PRND: variants seen among roughly 807,000 people sequenced by gnomAD.
PRND encodes prion like protein doppel.
For missense variants in PRND, 227 were observed against 223.3 expected, an observed-to-expected ratio of 1.02 and a Z score of -0.11; for synonymous variants, 94 against 93.2, an observed-to-expected ratio of 1.01 and a Z score of -0.05.
In PRND at chr20:4,724,820, A is replaced by G. The variant is rs769169849; in HGVS notation, c.269A>G (p.His90Arg). 3 of 1,614,224 alleles carry G rather than the reference A, an allele frequency of 1.9e-6. No individual in the cohort carries two copies. In the South Asian group the frequency reaches 3.3e-5, roughly 18 times the overall value. The change falls in exon 2 of 2, where the codon CAC (histidine) becomes CGC (arginine). Residue 90 changes from histidine to arginine, a missense_variant. Coordinates refer to ENST00000305817, the MANE Select transcript of PRND (RefSeq NM_012409.4). The surrounding 1 kb of genome is among the most constrained non-coding windows in gnomAD (Gnocchi z 4.8). ...TACTGGCAGTTCCCCGATGGCATCC[A>G]CTACAACGGCTGCTCTGAGGCTAAT... ...ANYWQFPDGIHYNGCSEANVT... is the reference protein window; with the variant it reads ...ANYWQFPDGIRYNGCSEANVT...
Position 4,724,129 on chromosome 20 carries a change from T to C in PRND, c.-11-412T>C, listed in dbSNP as rs989596519. Among the ~76,000 whole-genome samples, 11 of 149,612 alleles carry C rather than the reference T, an allele frequency of 7.4e-5. No individual in the cohort carries two copies. The highest frequency in any genetic ancestry group is 2.1e-4 in the South Asian group (1 of 4,712). ...ATACACACACACACACACACACACA[T>C]ATAGTCCATGCCCACCAGCATTTGA... is the stretch of plus-strand genomic sequence containing the variant. On this transcript the variant is annotated intron_variant, in intron 1 of 1. Coordinates refer to ENST00000305817, the MANE Select transcript of PRND (RefSeq NM_012409.4). The surrounding 1 kb of genome is among the most constrained non-coding windows in gnomAD (Gnocchi z 4.8).
intron 1 of PRND, 144 bp downstream of exon 1, chr20:4,722,113 T>A (rs1033258942): frequency 5.3e-5 from 8 of 152,224 alleles, no homozygotes; most frequent in African/African-American, 1.9e-4. Context: ...GGATACCCAG[T>A]CATCACTGGG....
At position 4,724,481 on chromosome 20, in the gene PRND, G is replaced by T. The variant is rs561044838; in HGVS notation, c.-11-60G>T. 6.6e-5 allele frequency: 105 copies of T among 1,590,156 alleles called. No homozygotes were observed. Among genetic ancestry groups the T allele is most frequent in the Non-Finnish European group, 7.3e-5 (85 of 1,160,152 alleles). ...CCTTAAAATCTCCTGCACTTGGGAG[G>T]GGGCAGGGGAGCCCAGGCAGGCCTG... On this transcript the variant is annotated intron_variant, in intron 1 of 1. Transcript: ENST00000305817. The surrounding 1 kb of genome is among the most constrained non-coding windows in gnomAD (Gnocchi z 4.8).
intron 1 of PRND, among the ~76,000 whole-genome samples, chr20:4,722,539 A>T (rs1923133574): frequency 6.6e-6 from 1 of 151,190 alleles, no homozygotes; most frequent in Admixed American, 6.6e-5. Flanking sequence ...TCTAGAGATG[A>T]CTGGATGTGC....
intron 1 of PRND, among the ~76,000 whole-genome samples, chr20:4,722,729 C>T (rs1052152794): frequency 2.0e-5 from 3 of 152,040 alleles, no homozygotes; most frequent in African/African-American, 4.8e-5. Flanking sequence ...AGCTCTGGGG[C>T]CCCATGGCCT....
intron 1 of PRND, among the ~76,000 whole-genome samples, chr20:4,722,194 C>T (rs911236396): frequency 1.3e-5 from 2 of 151,864 alleles, no homozygotes; most frequent in Non-Finnish European, 2.9e-5. Flanking sequence ...TTTTGTTTTG[C>T]CTTTAAGCTT....
At chr20:4,723,970 GTGTGTA>G (rs1923179058) in intron 1 of PRND, among the ~76,000 whole-genome samples, 2 of 147,372 alleles carry the variant, frequency 1.4e-5, no homozygotes, top group Non-Finnish European at 3.0e-5. Context: ...GTGTGTGTGT[GTGTGTA>G]TGTGTGTGTG....
Position 4,724,999 on chromosome 20 carries a change from G to A in PRND, c.448G>A (p.Glu150Lys), listed in dbSNP as rs1923220078. The change falls in exon 2 of 2, where the codon GAG (glutamate) becomes AAG (lysine). Residue 150 changes from glutamate to lysine, a missense_variant. By Grantham distance (56) the Glu-to-Lys change is moderately conservative. Coordinates refer to ENST00000305817, the MANE Select transcript of PRND (RefSeq NM_012409.4). This position sits in a 1 kb window ranked among gnomAD's most constrained non-coding sequence, Gnocchi z 4.8. ...CSLKHCEFWL[E>K]RGAGLRVTMH... ...CCTCAAGCATTGCGAGTTTTGGTTG[G>A]AGAGGGGCGCAGGACTTCGGGTCAC... The A allele has an allele frequency of 6.2e-7, 1 of 1,613,638 alleles. No homozygotes were observed. Among genetic ancestry groups the A allele is most frequent in the Non-Finnish European group, 8.5e-7 (1 of 1,179,932 alleles).
At chr20:4,722,630 C>T (rs1923136198) in intron 1 of PRND, among the ~76,000 whole-genome samples, 1 of 151,620 alleles carries the variant, frequency 6.6e-6, no homozygotes, top group Non-Finnish European at 1.5e-5. Context: ...AACATTTTAT[C>T]AGAGGAACAT....
At position 4,724,637 on chromosome 20, in the gene PRND, T is replaced by G; in HGVS notation, c.86T>G (p.Ile29Ser). 6.2e-7 allele frequency: 1 copy of G among 1,614,170 alleles called. No homozygotes were observed. Among genetic ancestry groups the G allele is most frequent in the South Asian group, 1.1e-5 (1 of 91,072 alleles). ...SHLSAVQTRG[I>S]KHRIKWNRKA... ...CTCTCTGCGGTCCAGACGAGGGGCA[T>G]CAAGCACAGAATCAAGTGGAACCGG... Residue 29 changes from isoleucine to serine, a missense_variant, in exon 2 of 2, where the codon ATC becomes AGC. Physicochemically the swap from Ile to Ser is moderately radical, Grantham distance 142. Transcript: ENST00000305817. This position sits in a 1 kb window ranked among gnomAD's most constrained non-coding sequence, Gnocchi z 4.8.
Position 4,726,973 on chromosome 20 carries a change from G to A in PRND, c.*1891G>A, listed in dbSNP as rs1008518059. 6.0e-6 allele frequency: 1 copy of A among 166,924 alleles called. No individual in the cohort carries two copies. The highest frequency in any genetic ancestry group is 2.4e-5 in the African/African-American group (1 of 41,360). 10.3% of individuals were successfully genotyped at this position (166,924 alleles called of 1,614,324 possible). On this transcript the variant is annotated 3_prime_UTR_variant, in exon 2 of 2. Coordinates refer to ENST00000305817, the MANE Select transcript of PRND (RefSeq NM_012409.4). ...AGCTACACTCGCCTTCTGCTTCCAC[G>A]GTCCTGTTAATTCTAGATCAGAGAG...
Position 4,724,858 on chromosome 20 carries a change from G to A in PRND, c.307G>A (p.Ala103Thr). ...CTCTGAGGCTAATGTGACCAAGGAG[G>A]CATTTGTCACCGGCTGCATCAATGC... ...GCSEANVTKEAFVTGCINATQ... is the reference protein window; with the variant it reads ...GCSEANVTKETFVTGCINATQ... Residue 103 changes from alanine (A) to threonine (T), a missense_variant, in exon 2 of 2, where the codon GCA (alanine) becomes ACA (threonine). Coordinates refer to ENST00000305817, the MANE Select transcript of PRND (RefSeq NM_012409.4). This position sits in a 1 kb window ranked among gnomAD's most constrained non-coding sequence, Gnocchi z 4.8. 2 of 1,614,230 alleles carry A rather than the reference G, an allele frequency of 1.2e-6. No homozygotes were observed. Among genetic ancestry groups the A allele is most frequent in the Non-Finnish European group, 1.7e-6 (2 of 1,180,042 alleles).
Position 4,724,762 on chromosome 20 carries a change from G to A in PRND, c.211G>A (p.Gly71Arg), listed in dbSNP as rs762583280. 6.8e-6 allele frequency: 11 copies of A among 1,614,188 alleles called. No homozygotes were observed. Among genetic ancestry groups the A allele is most frequent in the South Asian group, 1.1e-5 (1 of 91,082 alleles). The change falls in exon 2 of 2, where the codon GGA becomes AGA. Residue 71 changes from glycine to arginine, a missense_variant. Coordinates refer to ENST00000305817, the MANE Select transcript of PRND (RefSeq NM_012409.4). This position sits in a 1 kb window ranked among gnomAD's most constrained non-coding sequence, Gnocchi z 4.8. ...AGGCCGCAAGCTCGACATTGACTTC[G>A]GAGCCGAGGGCAACAGGTACTACGA... ...KQGRKLDIDF[G>R]AEGNRYYEAN...
rs1923151913 is a variant in PRND, at chr20:4,723,070, C to T, written c.-12+1101C>T. ...CTCCGAAATTCCTCAAGGGCCCTGCCCTTTGCCCTTTGCCCAGCTCAGGGG... is the reference window on the plus strand; with the variant it reads ...CTCCGAAATTCCTCAAGGGCCCTGCTCTTTGCCCTTTGCCCAGCTCAGGGG... On this transcript the variant is annotated intron_variant, in intron 1 of 1. Transcript: ENST00000305817. Among the ~76,000 whole-genome samples, 3 of 152,176 alleles carry T rather than the reference C, an allele frequency of 2.0e-5. No homozygotes were observed. In the South Asian group the frequency reaches 6.2e-4, roughly 31 times the overall value.
Position 4,726,589 on chromosome 20 carries a change from G to C in PRND, c.*1507G>C, listed in dbSNP as rs543675665. 2 of 166,998 alleles carry C rather than the reference G, an allele frequency of 1.2e-5. No homozygotes were observed. Among genetic ancestry groups the C allele is most frequent in the African/African-American group, 4.8e-5 (2 of 41,404 alleles). The allele number at this position is 166,998 out of a possible 1,614,324, so 10.3% of individuals were successfully genotyped here. ...AACAATGAATTGAATGCTCTAAGAG[G>C]CTCCTACAGGCGCTCCAGGCCACTC... On this transcript the variant is annotated 3_prime_UTR_variant, in exon 2 of 2. Transcript: ENST00000305817.
rs1923275018 is a variant in PRND, at chr20:4,726,548, T to A, written c.*1466T>A. On this transcript the variant is annotated 3_prime_UTR_variant, in exon 2 of 2. Transcript: ENST00000305817. ...AACACAATATGAGTAATGTTTAAGA[T>A]CTGTTTTAAATTTAAAACAATGAAT... The A allele has an allele frequency of 6.0e-6, 1 of 167,094 alleles. No homozygotes were observed. Among genetic ancestry groups the A allele is most frequent in the Non-Finnish European group, 1.5e-5 (1 of 68,132 alleles). The allele number at this position is 167,094 out of a possible 1,614,324, so 10.4% of individuals were successfully genotyped here.
In PRND at chr20:4,728,343, C is replaced by T. The variant is rs1269633471; in HGVS notation, c.*3261C>T. Reference sequence around the variant, plus strand: ...GCTGACTCATTCTTTTGGATTGCTACGTAATCTCACTTAATACAGATGTAT... The same window carrying T: ...GCTGACTCATTCTTTTGGATTGCTATGTAATCTCACTTAATACAGATGTAT... On this transcript the variant is annotated 3_prime_UTR_variant, in exon 2 of 2. Transcript: ENST00000305817. The T allele has an allele frequency of 1.2e-5, 2 of 167,100 alleles. No homozygotes were observed. Among genetic ancestry groups the T allele is most frequent in the African/African-American group, 4.8e-5 (2 of 41,454 alleles). 10.4% of individuals were successfully genotyped at this position (167,100 alleles called of 1,614,324 possible).
intron 1 of PRND, among the ~76,000 whole-genome samples, chr20:4,722,814 A>T (rs1187937244): frequency 6.6e-6 from 1 of 152,076 alleles, no homozygotes; most frequent in Non-Finnish European, 1.5e-5. Flanking sequence ...CCTAATCCAC[A>T]CAGGCAAAGA....
Position 4,726,135 on chromosome 20 carries a change from A to ACTTTTTTT in PRND, c.*1053_*1054insCTTTTTTT, listed in dbSNP as rs1923260374. Reference sequence around the variant, plus strand: ...TGGGCCTCCCATAGTGCTGGGATTCAATTTTTTTTTTTTTTTTTTCAAAAG... The same window carrying ACTTTTTTT: ...TGGGCCTCCCATAGTGCTGGGATTCACTTTTTTTATTTTTTTTTTTTTTTTTTCAAAAG... On this transcript the variant is annotated 3_prime_UTR_variant, in exon 2 of 2. Coordinates refer to ENST00000305817, the MANE Select transcript of PRND (RefSeq NM_012409.4). The ACTTTTTTT allele has an allele frequency of 1.9e-5, 1 of 52,418 alleles. No individual in the cohort carries two copies. Among genetic ancestry groups the ACTTTTTTT allele is most frequent in the African/African-American group, 1.2e-4 (1 of 8,356 alleles). The allele number at this position is 52,418 out of a possible 1,614,324, so 3.2% of individuals were successfully genotyped here. A position where few individuals can be genotyped will look rare whatever the true frequency, so the allele number is the denominator to read the frequency against.
Sources: gnomAD v4.1 joint callset for allele counts (sites outside exome capture counted in the v4.1 genomes callset) on GRCh38, gnomAD v4.1.1 for gene constraint, Gnocchi (gnomAD v3.1) non-coding constraint, MANE v1.5 for transcripts, NCBI Gene and HGNC (gene_info 2026-07-23, HGNC 2026-07-21) for gene names.